Variants in PIP4K2A observed in about 807,000 individuals in gnomAD.
The protein encoded by PIP4K2A is phosphatidylinositol-5-phosphate 4-kinase type 2 alpha, also known as phosphatidylinositol 5-phosphate 4-kinase type-2 alpha.
PIP4K2A carries 14 observed loss-of-function variants against 42.9 expected under a neutral mutation model. The ratio of observed to expected loss-of-function variants is 0.33; its 90% CI spans 0.22 to 0.51. The LOEUF (loss-of-function observed/expected upper bound fraction) is 0.51. Ranked by LOEUF, PIP4K2A falls within the 20% of genes least tolerant of loss-of-function variation. PIP4K2A has a pLI of 0.97. For missense variants in PIP4K2A, 434 were observed against 519.8 expected, an observed-to-expected ratio of 0.83 and a Z score of 1.61; for synonymous variants, 192 against 192.2, an observed-to-expected ratio of 1.00 and a Z score of 0.01.
In PIP4K2A at chr10:22,550,819, T is replaced by TA. The variant is rs201809681; in HGVS notation, c.679-48dup. 1.2e-3 allele frequency: 1,450 copies of TA among 1,190,646 alleles called. 19 individuals carry two copies. The African/African-American group carries it at 0.019, about 15-fold the overall frequency. 73.8% of individuals were successfully genotyped at this position (1,190,646 alleles called of 1,614,324 possible). On this transcript the variant is annotated intron_variant, in intron 6 of 9. Transcript: ENST00000376573. ...ATGACAAAGGCGCTTGAAGAAAACCTAAAAAAACCACATACACCTTCCAAC... is the reference window on the plus strand; with the variant it reads ...ATGACAAAGGCGCTTGAAGAAAACCTAAAAAAAACCACATACACCTTCCAAC...
chr10:22,540,377 TA>T (rs1185991206), intron 8 of PIP4K2A, among the ~76,000 whole-genome samples: 4 of 151,782 alleles, frequency 2.6e-5, no homozygotes, highest in Non-Finnish European at 2.9e-5. Flanking sequence ...TTTTTTTTTT[TA>T]ATTTGCATTT....
chr10:22,593,735 C>A (rs895164038), intron 3 of PIP4K2A, among the ~76,000 whole-genome samples: 8 of 152,196 alleles, frequency 5.3e-5, no homozygotes, highest in African/African-American at 1.9e-4. Context: ...TGTAAGATTG[C>A]AGATTATCTT....
At chr10:22,539,916 AGAGAGAGAGAGAGAGG>A in intron 9 of PIP4K2A, 39 bp downstream of exon 9, 5 of 779,946 alleles carry the variant, frequency 6.4e-6, no homozygotes, top group Non-Finnish European at 1.1e-5. Flanking sequence ...AGAGAGGGAG[AGAGAGAGAGAGAGAGG>A]GAGAGAAAGA....
At chr10:22,582,383 G>T (rs1469418945) in intron 4 of PIP4K2A, among the ~76,000 whole-genome samples, 5 of 151,834 alleles carry the variant, frequency 3.3e-5, no homozygotes, top group African/African-American at 1.2e-4. Context: ...ATGCCATTAA[G>T]AGATTCACAG....
At chr10:22,697,272 C>T (rs1367523293) in intron 1 of PIP4K2A, among the ~76,000 whole-genome samples, 2 of 152,208 alleles carry the variant, frequency 1.3e-5, no homozygotes, top group African/African-American at 4.8e-5. Flanking sequence ...GCTTCCACAC[C>T]TGCCTTGCCA....
chr10:22,687,520 T>A (rs530085315), intron 1 of PIP4K2A, among the ~76,000 whole-genome samples: 1 of 151,760 alleles, frequency 6.6e-6, no homozygotes, highest in South Asian at 2.1e-4. Flanking sequence ...AATAAATAGG[T>A]TTTAGTTACT....
intron 7 of PIP4K2A, among the ~76,000 whole-genome samples, chr10:22,547,659 T>C (rs1836290418): frequency 1.3e-5 from 2 of 152,196 alleles, no homozygotes; most frequent in Non-Finnish European, 1.5e-5. Context: ...GGGGTACTCC[T>C]GGATGCCACA....
chr10:22,548,993 C>T (rs1195729749), intron 7 of PIP4K2A, among the ~76,000 whole-genome samples: 1 of 152,148 alleles, frequency 6.6e-6, no homozygotes, highest in Non-Finnish European at 1.5e-5. Context: ...TTCAAGGCTG[C>T]AGTGAGCTAT....
chr10:22,601,690 T>G (rs1564438243), intron 3 of PIP4K2A, among the ~76,000 whole-genome samples: 1 of 152,198 alleles, frequency 6.6e-6, no homozygotes, highest in Non-Finnish European at 1.5e-5. Context: ...AGCACGACTG[T>G]GCCAATCCTC....
intron 1 of PIP4K2A, among the ~76,000 whole-genome samples, chr10:22,610,421 C>G (rs2559529): frequency 0.9 from 136,631 of 152,284 alleles, 61,377 homozygotes; most frequent in East Asian, 0.97. Context: ...ACTTTCTCTT[C>G]GTTAACTATT....
rs947623782 is a variant in PIP4K2A, at chr10:22,572,293, A to G, written c.639+1018T>C. Among the ~76,000 whole-genome samples, 2 of 152,350 alleles carry G rather than the reference A, an allele frequency of 1.3e-5. 1 individual carries two copies. Reference sequence around the variant, plus strand: ...AACAGACAATACAGAAACAAGGGGCATCGTGGTATTCCAATAAAAATGTAT... The same window carrying G: ...AACAGACAATACAGAAACAAGGGGCGTCGTGGTATTCCAATAAAAATGTAT... On this transcript the variant is annotated intron_variant, in intron 5 of 9. Transcript: ENST00000376573.
chr10:22,712,272 G>A (rs1240394440), intron 1 of PIP4K2A, among the ~76,000 whole-genome samples: 1 of 152,114 alleles, frequency 6.6e-6, no homozygotes, highest in Non-Finnish European at 1.5e-5. Flanking sequence ...AGGTAGCAAC[G>A]TAAGTGGTTA....
At chr10:22,714,154 G>C in intron 1 of PIP4K2A, 29 bp downstream of exon 1, 1 of 1,587,246 alleles carries the variant, frequency 6.3e-7, no homozygotes, top group Non-Finnish European at 8.6e-7. Flanking sequence ...GAGGAGGAAG[G>C]GGACCGCGCG....
At chr10:22,539,895 G>C (rs1423675815) in intron 9 of PIP4K2A, 76 bp downstream of exon 9, 1 of 661,302 alleles carries the variant, frequency 1.5e-6, no homozygotes, top group East Asian at 2.8e-5. Context: ...AGGAGAGAGA[G>C]AGAGAGAGAG....
At chr10:22,568,864 A>T in intron 5 of PIP4K2A, 1 of 608,116 alleles carries the variant, frequency 1.6e-6, no homozygotes, top group Non-Finnish European at 2.9e-6. Flanking sequence ...GAAGAATCAC[A>T]GGCCAATTTC....
In PIP4K2A at chr10:22,674,782, A is replaced by AAAATAAATAAAT. The variant is rs71395814; in HGVS notation, c.144+39389_144+39400dup. 2.7e-3 allele frequency among the ~76,000 whole-genome samples: 405 copies of AAAATAAATAAAT among 148,512 alleles called. 1 individual carries two copies. The highest frequency in any genetic ancestry group is 9.4e-3 in the African/African-American group (376 of 39,860). On this transcript the variant is annotated intron_variant, in intron 1 of 9. Transcript: ENST00000376573. Reference sequence around the variant, plus strand: ...TATTGCAAGACTCAGTCTCTACCAAAAAATAAATAAATAAATAAATAAATA... The same window carrying AAAATAAATAAAT: ...TATTGCAAGACTCAGTCTCTACCAAAAAATAAATAAATAAATAAATAAATAAATAAATAAATA...
At chr10:22,702,832 T>C (rs1366093894) in intron 1 of PIP4K2A, among the ~76,000 whole-genome samples, 1 of 152,204 alleles carries the variant, frequency 6.6e-6, no homozygotes, top group Non-Finnish European at 1.5e-5. Flanking sequence ...TTCAACAATA[T>C]GTACTGAGCA....
At chr10:22,609,517 A>T (rs1470370938) in intron 2 of PIP4K2A, 103 bp downstream of exon 2, 1 of 715,236 alleles carries the variant, frequency 1.4e-6, no homozygotes, top group Non-Finnish European at 2.5e-6. Flanking sequence ...CATCAGCAAA[A>T]CTTTACTCCC....
intron 1 of PIP4K2A, among the ~76,000 whole-genome samples, chr10:22,651,164 C>T (rs1838988022): frequency 6.6e-6 from 1 of 152,194 alleles, no homozygotes; most frequent in African/African-American, 2.4e-5. Context: ...TTTCTCTCCA[C>T]CTCCTAAGCC....
Sources: allele counts gnomAD v4.1 joint callset (sites outside exome capture counted in the v4.1 genomes callset), GRCh38; gene constraint gnomAD v4.1.1; transcripts MANE v1.5; gene names NCBI Gene and HGNC (gene_info 2026-07-23, HGNC 2026-07-21).